Variants in DOCK3 observed in about 807,000 individuals in gnomAD.
DOCK3 encodes dedicator of cytokinesis 3, also known as dedicator of cytokinesis protein 3.
Under a neutral mutation model 265.6 loss-of-function variants are expected in DOCK3, and 60 were observed. That is an observed-to-expected ratio of 0.23 (90% CI 0.18 to 0.28). The LOEUF (loss-of-function observed/expected upper bound fraction) is 0.28. Ranked by LOEUF, DOCK3 falls within the 10% of genes least tolerant of loss-of-function variation. The probability of loss-of-function intolerance (pLI) is 1.00; values close to 1 mark genes in which losing one functional copy is unlikely to be tolerated. For synonymous variants in DOCK3, 881 were observed against 938.0 expected, an observed-to-expected ratio of 0.94 and a Z score of 1.11; for missense variants, 1,981 against 2,594.3, an observed-to-expected ratio of 0.76 and a Z score of 5.14.
rs2039892565 is a variant in DOCK3 at position 50,752,519 on chromosome 3, A to AAC, written c.38-26155_38-26154insCA. Among the ~76,000 whole-genome samples the AAC allele has an allele frequency of 2.1e-5, 3 of 146,310 alleles. 1 individual carries two copies. Among genetic ancestry groups the AAC allele is most frequent in the Non-Finnish European group, 3.0e-5 (2 of 67,262 alleles). ...CGAGAGTCCGTCTCAAAAAAAAAAA[A>AAC]AAAACAAAAACAACTGGGAGGCCAA... On this transcript the variant is annotated intron_variant, in intron 1 of 52. Coordinates refer to ENST00000266037, the MANE Select transcript of DOCK3 (RefSeq NM_004947.5).
At chr3:50,711,465 T>C (rs542915075) in intron 1 of DOCK3, among the ~76,000 whole-genome samples, 13 of 152,146 alleles carry the variant, frequency 8.5e-5, no homozygotes, top group Non-Finnish European at 1.3e-4. Context: ...GGTTTCACCA[T>C]GTTAGCCAGG....
intron 5 of DOCK3, among the ~76,000 whole-genome samples, chr3:51,010,541 A>G (rs1163062492): frequency 6.6e-6 from 1 of 152,092 alleles, no homozygotes; most frequent in African/African-American, 2.4e-5. Context: ...TCTCCTGAAT[A>G]CAGCACACTG....
At chr3:50,736,939 G>A (rs571495684) in intron 1 of DOCK3, among the ~76,000 whole-genome samples, 6 of 152,056 alleles carry the variant, frequency 3.9e-5, no homozygotes, top group South Asian at 4.2e-4. Context: ...TGATCCACCC[G>A]CCTCGGCCTC....
At chr3:50,916,151 A>C (rs2050108578) in intron 4 of DOCK3, among the ~76,000 whole-genome samples, 1 of 152,094 alleles carries the variant, frequency 6.6e-6, no homozygotes, top group South Asian at 2.1e-4. Context: ...TGTGGACTCC[A>C]GGCAGCTCCC....
intron 5 of DOCK3, among the ~76,000 whole-genome samples, chr3:51,049,822 C>T (rs996524102): frequency 4.1e-5 from 5 of 123,240 alleles, no homozygotes; most frequent in Non-Finnish European, 8.5e-5. Context: ...CACACACACA[C>T]ACACACCCCA....
chr3:50,894,523 A>G (rs888996740), intron 4 of DOCK3, among the ~76,000 whole-genome samples: 1 of 152,126 alleles, frequency 6.6e-6, no homozygotes, highest in Non-Finnish European at 1.5e-5. Flanking sequence ...AAAGCATACA[A>G]AAGTATACAA....
chr3:50,681,619 T>C lies in DOCK3; in HGVS notation c.37+6319T>C, dbSNP rs1006742744. Among the ~76,000 whole-genome samples, 4 of 152,208 alleles carry C rather than the reference T, an allele frequency of 2.6e-5. No homozygotes were observed. The East Asian group carries it at 7.7e-4, about 29-fold the overall frequency. The stretch of plus-strand genomic sequence containing the variant: ...ATTTTTTTTATACATCACCAAATTA[T>C]TTTAGCTAAGTACTTGCAGTTGATT... On this transcript the variant is annotated intron_variant, in intron 1 of 52. Coordinates refer to ENST00000266037, the MANE Select transcript of DOCK3 (RefSeq NM_004947.5).
At chr3:51,138,756 C>T (rs1357130487) in intron 9 of DOCK3, among the ~76,000 whole-genome samples, 1 of 152,016 alleles carries the variant, frequency 6.6e-6, no homozygotes, top group Non-Finnish European at 1.5e-5. Context: ...GTTTTCCTTC[C>T]GAAGAATAGT....
chr3:51,146,703 C>T, intron 10 of DOCK3, 73 bp downstream of exon 10: 1 of 1,379,912 alleles, frequency 7.2e-7, no homozygotes, highest in Non-Finnish European at 1.0e-6. Flanking sequence ...TACTGTCACC[C>T]TGGAAACAAG....
intron 1 of DOCK3, among the ~76,000 whole-genome samples, chr3:50,715,298 C>T (rs1434088374): frequency 6.6e-6 from 1 of 152,154 alleles, no homozygotes; most frequent in Non-Finnish European, 1.5e-5. Flanking sequence ...TGCCTGTAAT[C>T]CCGGTACTTT....
intron 52 of DOCK3, 59 bp from the exon 53 acceptor site, chr3:51,380,991 C>A: frequency 6.6e-7 from 1 of 1,521,922 alleles, no homozygotes; most frequent in Non-Finnish European, 8.8e-7. Flanking sequence ...CTTCCTATGG[C>A]GGGCAAGTCA....
Position 51,215,025 on chromosome 3 carries a change from T to C in DOCK3, c.1252+778T>C, listed in dbSNP as rs141694274. On this transcript the variant is annotated intron_variant, in intron 14 of 52. Coordinates refer to ENST00000266037, the MANE Select transcript of DOCK3 (RefSeq NM_004947.5). ...TAGGTGTCCTGATAAGCAGAGAAGA[T>C]GCAAATAAGGAAAAGGAGATTAGAA... 4.0e-4 allele frequency among the ~76,000 whole-genome samples: 61 copies of C among 152,246 alleles called. No homozygotes were observed. In the East Asian group the frequency reaches 0.011, roughly 27 times the overall value.
At chr3:50,745,756 T>A (rs1312371372) in intron 1 of DOCK3, among the ~76,000 whole-genome samples, 1 of 152,212 alleles carries the variant, frequency 6.6e-6, no homozygotes, top group Non-Finnish European at 1.5e-5. Flanking sequence ...TATATTGTCC[T>A]CCTACCCAAC....
At chr3:50,796,896 T>C (rs2042819220) in intron 2 of DOCK3, among the ~76,000 whole-genome samples, 1 of 152,144 alleles carries the variant, frequency 6.6e-6, no homozygotes. Flanking sequence ...GGCTGCATGC[T>C]CTAACTCTGG....
At chr3:51,157,941 G>C (rs2107494557) in intron 10 of DOCK3, among the ~76,000 whole-genome samples, 1 of 64,952 alleles carries the variant, frequency 1.5e-5, no homozygotes, top group Non-Finnish European at 2.9e-5. Flanking sequence ...GAGTAGCTGG[G>C]ACTACATTTT....
intron 3 of DOCK3, among the ~76,000 whole-genome samples, chr3:50,882,568 T>G (rs998718710): frequency 6.6e-6 from 1 of 152,036 alleles, no homozygotes; most frequent in Non-Finnish European, 1.5e-5. Flanking sequence ...CACAATGAGA[T>G]CCCATCACAC....
intron 1 of DOCK3, among the ~76,000 whole-genome samples, chr3:50,757,829 T>C (rs1385082483): frequency 6.6e-6 from 1 of 152,162 alleles, no homozygotes; most frequent in African/African-American, 2.4e-5. Context: ...TGTGGATATC[T>C]ATTGAAAAGA....
At chr3:50,984,080 C>T (rs1376667607) in intron 5 of DOCK3, among the ~76,000 whole-genome samples, 1 of 151,828 alleles carries the variant, frequency 6.6e-6, no homozygotes, top group African/African-American at 2.4e-5. Context: ...CACACTTGCT[C>T]ACACACCCCT....
At chr3:50,725,180 C>T (rs916644736) in intron 1 of DOCK3, among the ~76,000 whole-genome samples, 1 of 152,092 alleles carries the variant, frequency 6.6e-6, no homozygotes. Context: ...ATAATAACAA[C>T]ATCTTATGGC....
Sources: gnomAD v4.1 joint callset for allele counts (sites outside exome capture counted in the v4.1 genomes callset) on GRCh38, gnomAD v4.1.1 for gene constraint, MANE v1.5 for transcripts, NCBI Gene and HGNC (gene_info 2026-07-23, HGNC 2026-07-21) for gene names.